Variants in METTL27 observed in about 807,000 individuals in gnomAD.
METTL27 encodes methyltransferase-like protein 27.
Under a neutral mutation model 24.5 loss-of-function variants are expected in METTL27, and 29 were observed. The observed-to-expected ratio is 1.18, with a 90% CI of 0.88 to 1.61. The LOEUF is 1.61. METTL27 is among the 40% of genes most tolerant of loss of function. The pLI, the probability that METTL27 is intolerant of heterozygous loss-of-function variation, is 0.00. For missense variants in METTL27, 341 were observed against 324.3 expected, an observed-to-expected ratio of 1.05 and a Z score of -0.40; for synonymous variants, 138 against 146.8, an observed-to-expected ratio of 0.94 and a Z score of 0.43.
chr7:73,836,234 A>AGGG (rs1788189384), intron 5 of METTL27, among the ~76,000 whole-genome samples: 2 of 30,206 alleles, frequency 6.6e-5, no homozygotes, highest in Non-Finnish European at 7.9e-5. Context: ...AGGTGGGGGC[A>AGGG]TCAGCCCCCC....
intron 5 of METTL27, among the ~76,000 whole-genome samples, chr7:73,839,038 C>T (rs553624675): frequency 6.6e-6 from 1 of 152,322 alleles, no homozygotes; most frequent in Non-Finnish European, 1.5e-5. Context: ...AATCCCAGCA[C>T]TGTGAGAGGC....
chr7:73,841,937 CG>C (rs1563653836), intron 2 of METTL27, 80 bp downstream of exon 2: 3 of 1,607,466 alleles, frequency 1.9e-6, no homozygotes, highest in Non-Finnish European at 2.5e-6. Context: ...CAGCCGCCCC[CG>C]GGTGCAAGGC....
rs1554636316 is a variant in METTL27, at chr7:73,841,069, C to T, written c.252+1G>A. 1.3e-6 allele frequency: 2 copies of T among 1,485,500 alleles called. No individual in the cohort carries two copies. Among genetic ancestry groups the T allele is most frequent in the East Asian group, 2.7e-5 (1 of 37,398 alleles). The allele number at this position is 1,485,500 out of a possible 1,614,324, so 92.0% of individuals were successfully genotyped here. A position where few individuals can be genotyped will look rare whatever the true frequency, so the allele number is the denominator to read the frequency against. ...AGGCAGGGGATCTGGAAGAGCCTCA[C>T]CTCGGCAGCCACTAGGCCTGTGCCA... On this transcript the variant is annotated splice_donor_variant, in intron 3 of 5. Transcript: ENST00000297873. LOFTEE classifies it high-confidence loss of function.
At chr7:73,838,770 G>A (rs7811711) in intron 5 of METTL27, among the ~76,000 whole-genome samples, 98,605 of 151,884 alleles carry the variant, frequency 0.65, 32,752 homozygotes, top group Non-Finnish European at 0.74. Flanking sequence ...AGCCTTCAGG[G>A]CTCCCCAGAT....
rs1487270122 is a variant in METTL27, at chr7:73,838,801, G to A, written c.478+1230C>T. 6.7e-5 allele frequency among the ~76,000 whole-genome samples: 10 copies of A among 150,172 alleles called. 1 individual carries two copies. The highest frequency in any genetic ancestry group is 2.0e-4 in the African/African-American group (8 of 40,756). Reference sequence around the variant, plus strand: ...CAGATGCCTGCCCAGACCTGCCCAGGCTTAGCCACAGCCTCTGCTGGGCCT... The same window carrying A: ...CAGATGCCTGCCCAGACCTGCCCAGACTTAGCCACAGCCTCTGCTGGGCCT... On this transcript the variant is annotated intron_variant, in intron 5 of 5. Coordinates refer to ENST00000297873, the MANE Select transcript of METTL27 (RefSeq NM_152559.3).
At chr7:73,842,207 C>A in intron 1 of METTL27, 63 bp from the exon 2 acceptor site, 2 of 1,545,292 alleles carry the variant, frequency 1.3e-6, no homozygotes, top group Non-Finnish European at 1.7e-6. Context: ...TCCTTTCCCC[C>A]TTCCCTCCTC....
rs531931979 is a variant in METTL27, at chr7:73,834,666, G to A, written c.*77C>T. 5.1e-5 allele frequency: 68 copies of A among 1,344,766 alleles called. No individual in the cohort carries two copies. The African/African-American group carries it at 9.2e-4, about 18-fold the overall frequency. The allele number at this position is 1,344,766 out of a possible 1,614,324, so 83.3% of individuals were successfully genotyped here. On this transcript the variant is annotated 3_prime_UTR_variant, in exon 6 of 6. Coordinates refer to ENST00000297873, the MANE Select transcript of METTL27 (RefSeq NM_152559.3). ...TTCGGAGGTCCCATTTTACAGGGGA[G>A]GCAGAGGAGGCCCAGCAGATGGGCC...
chr7:73,834,763 G>A lies in METTL27; in HGVS notation c.718C>T (p.Arg240Ter), dbSNP rs556800237. 1.3e-5 allele frequency: 21 copies of A among 1,614,072 alleles called. No individual in the cohort carries two copies. Among genetic ancestry groups the A allele is most frequent in the African/African-American group, 4.0e-5 (3 of 75,054 alleles). Residue 240 changes from arginine (R) to a stop codon, truncating the protein, a stop_gained, in exon 6 of 6, where the codon CGA (arginine) becomes TGA (stop). Coordinates refer to ENST00000297873, the MANE Select transcript of METTL27 (RefSeq NM_152559.3). LOFTEE classifies it high-confidence loss of function. ...GGATCTCACTTCCTCAACCTGGGTC[G>A]CCTTCCACTTTCGGTACAGGTAGAC... ...ALSTCTESGR[R>*]PRLRK is the part of the protein sequence containing the mutation.
chr7:73,840,094 C>T lies in METTL27; in HGVS notation c.415G>A (p.Gly139Ser), dbSNP rs200876437. 4.4e-6 allele frequency: 7 copies of T among 1,602,822 alleles called. No individual in the cohort carries two copies. The highest frequency in any genetic ancestry group is 1.7e-4 in the Middle Eastern group (1 of 6,012). ...GGCACCTGGCCGTCACTGAGGGCACCGACTATCAGCACCGCGTCGAAGGTC... is the reference window on the plus strand; with the variant it reads ...GGCACCTGGCCGTCACTGAGGGCACTGACTATCAGCACCGCGTCGAAGGTC... ...EGTFDAVLIVGALSDGQVPCN... is the reference protein window; with the variant it reads ...EGTFDAVLIVSALSDGQVPCN... The change falls in exon 5 of 6, where the codon GGT becomes AGT. Residue 139 changes from glycine (G) to serine (S), a missense_variant. Transcript: ENST00000297873.
rs368085953 is a variant in METTL27, at chr7:73,834,929, C to T, written c.552G>A (p.Leu184=). 16 of 1,614,054 alleles carry T rather than the reference C, an allele frequency of 9.9e-6. No individual in the cohort carries two copies. The East Asian group carries it at 2.5e-4, about 25-fold the overall frequency. ...ACATCCCAGCCTGCTCCAGCCTGTC[C>T]AGGGTGGCCTCCAGAGCCTCCTTGT... ...LQYKEALEAT[L]DRLEQAGMWE... Residue 184 remains leucine (L), a synonymous_variant, in exon 6 of 6, where the codon CTG becomes CTA. Coordinates refer to ENST00000297873, the MANE Select transcript of METTL27 (RefSeq NM_152559.3).
chr7:73,840,472 G>T lies in METTL27; in HGVS notation c.330C>A (p.Gly110=), dbSNP rs781789463. Residue 110 remains glycine, a synonymous_variant, in exon 4 of 6, where the codon GGC becomes GGA. Coordinates refer to ENST00000297873, the MANE Select transcript of METTL27 (RefSeq NM_152559.3). The part of the protein sequence containing the change: ...PGMLEQAQAP[G]LYQRLSLCTL... Reference sequence around the variant, plus strand: ...TGCAGAGGCTGAGGCGCTGATAGAGGCCGGGGGCCTGGGCCTGTTCCAGCA... The same window carrying T: ...TGCAGAGGCTGAGGCGCTGATAGAGTCCGGGGGCCTGGGCCTGTTCCAGCA... The T allele has an allele frequency of 6.2e-6, 10 of 1,608,296 alleles. No individual in the cohort carries two copies. The highest frequency in any genetic ancestry group is 4.5e-5 in the East Asian group (2 of 44,566).
Position 73,840,132 on chromosome 7 carries a change from TG to T in METTL27, c.389-13del, listed in dbSNP as rs374062552. 8.7e-3 allele frequency: 6,864 copies of T among 784,862 alleles called. No homozygotes were observed. The highest frequency in any genetic ancestry group is 0.01 in the South Asian group (360 of 34,864). The allele number at this position is 784,862 out of a possible 1,614,324, so 48.6% of individuals were successfully genotyped here. ...CGCGTCGAAGGTCCCTGTGTGTGTG[TG>T]GGGGGGGGTGGGGACATGGTGTGAT... On this transcript the variant is annotated splice_polypyrimidine_tract_variant and intron_variant, in intron 4 of 5. Transcript: ENST00000297873.
chr7:73,841,325 C>G, intron 2 of METTL27, 127 bp from the exon 3 acceptor site: 1 of 1,355,998 alleles, frequency 7.4e-7, no homozygotes, highest in Non-Finnish European at 9.6e-7. Flanking sequence ...CTGGGGCTAG[C>G]GTGAGGGGAC....
At chr7:73,841,566 G>C (rs911562992) in intron 2 of METTL27, among the ~76,000 whole-genome samples, 1 of 150,362 alleles carries the variant, frequency 6.7e-6, no homozygotes, top group African/African-American at 2.5e-5. Context: ...TCTGTGTCCC[G>C]GATTCAGGCA....
Position 73,842,032 on chromosome 7 carries a change from G to A in METTL27, c.109C>T (p.Pro37Ser), listed in dbSNP as rs782579541. 8.1e-6 allele frequency: 13 copies of A among 1,614,174 alleles called. No homozygotes were observed. In the Admixed American group the frequency reaches 2.2e-4, roughly 27 times the overall value. ...QKLHFYDRWA[P>S]DYDQDVATLL... ...AATGAGTTTACCTGGTCGTAGTCCG[G>A]AGCCCAGCGGTCATAGAAATGGAGC... Residue 37 changes from proline (P) to serine (S), a missense_variant, in exon 2 of 6, where the codon CCG becomes TCG. Physicochemically the swap from Pro to Ser is moderately conservative, Grantham distance 74 (BLOSUM62 -1). Transcript: ENST00000297873.
At chr7:73,835,948 T>C (rs1554635062) in intron 5 of METTL27, among the ~76,000 whole-genome samples, 3 of 138,412 alleles carry the variant, frequency 2.2e-5, no homozygotes, top group Admixed American at 7.2e-5. Flanking sequence ...GGCCGCCCCG[T>C]CTGAGAAGTG....
In METTL27 at chr7:73,840,136, GGGGGGT is replaced by G; in HGVS notation, c.389-22_389-17del. The G allele has an allele frequency of 1.1e-5, 16 of 1,471,208 alleles. No individual in the cohort carries two copies. Among genetic ancestry groups the G allele is most frequent in the Non-Finnish European group, 1.4e-5 (15 of 1,069,220 alleles). 91.1% of individuals were successfully genotyped at this position (1,471,208 alleles called of 1,614,324 possible). A position where few individuals can be genotyped will look rare whatever the true frequency, so the allele number is the denominator to read the frequency against. On this transcript the variant is annotated splice_polypyrimidine_tract_variant and intron_variant, in intron 4 of 5. Transcript: ENST00000297873. ...TCGAAGGTCCCTGTGTGTGTGTGGG[GGGGGGT>G]GGGGACATGGTGTGATGCTTGGAAG... is the stretch of plus-strand genomic sequence containing the variant.
At chr7:73,841,601 T>A (rs921431857) in intron 2 of METTL27, among the ~76,000 whole-genome samples, 1 of 151,068 alleles carries the variant, frequency 6.6e-6, no homozygotes, top group African/African-American at 2.4e-5. Context: ...GCCTCCAGGG[T>A]AGCTGGGATT....
In METTL27 at chr7:73,836,146, C is replaced by CCGCCCCACCAGCCGCCCCA. The variant is rs1554635146; in HGVS notation, c.479-1145_479-1144insTGGGGCGGCTGGTGGGGCG. Among the ~76,000 whole-genome samples the CCGCCCCACCAGCCGCCCCA allele has an allele frequency of 4.6e-4, 51 of 109,958 alleles. 1 individual carries two copies. In the South Asian group the frequency reaches 6.6e-3, roughly 14 times the overall value. 72.1% of individuals were successfully genotyped at this position (109,958 alleles called of 152,430 possible). On this transcript the variant is annotated intron_variant, in intron 5 of 5. Coordinates refer to ENST00000297873, the MANE Select transcript of METTL27 (RefSeq NM_152559.3). ...GGAGGGAGGTGGGGGGGTCAGCCCC[C>CCGCCCCACCAGCCGCCCCA]TGCCCGGCCAGCCGCCCATCCGGGA...
Sources: gnomAD v4.1 joint callset for allele counts (sites outside exome capture counted in the v4.1 genomes callset) on GRCh38, gnomAD v4.1.1 for gene constraint, MANE v1.5 for transcripts, NCBI Gene and HGNC (gene_info 2026-07-23, HGNC 2026-07-21) for gene names.